The following CAMKMT variants were observed in gnomAD, a reference collection of about 807,000 sequenced individuals.
CAMKMT encodes CaM KMT.
CAMKMT carries 53 observed loss-of-function variants against 48.0 expected under a neutral mutation model. The ratio of observed to expected loss-of-function variants is 1.10; its 90% CI spans 0.89 to 1.39. The LOEUF is 1.39. CAMKMT is among the 40% of genes most tolerant of loss of function. The pLI, the probability that CAMKMT is intolerant of heterozygous loss-of-function variation, is 0.00. For missense variants in CAMKMT, 428 were observed against 402.7 expected (o/e 1.06, Z -0.54); for synonymous variants, 165 against 152.3 (o/e 1.08, Z -0.61).
intron 3 of CAMKMT, among the ~76,000 whole-genome samples, chr2:44,702,265 TA>T (rs1252524254): frequency 6.6e-6 from 1 of 152,174 alleles, no homozygotes; most frequent in Non-Finnish European, 1.5e-5. Context: ...GAGTTATTTT[TA>T]TGTGGAGATA....
chr2:44,446,785 A>G (rs1385507669), intron 3 of CAMKMT, among the ~76,000 whole-genome samples: 3 of 152,236 alleles, frequency 2.0e-5, no homozygotes, highest in African/African-American at 7.2e-5. Flanking sequence ...TCCAGCATTG[A>G]GGCCTTTCAT....
chr2:44,418,777 G>A (rs1007037857), intron 3 of CAMKMT, among the ~76,000 whole-genome samples: 19 of 152,222 alleles, frequency 1.2e-4, no homozygotes, highest in African/African-American at 4.6e-4. Flanking sequence ...TGTCTGCTAA[G>A]AAGTCTACTA....
chr2:44,576,038 G>T (rs929574368), intron 3 of CAMKMT, among the ~76,000 whole-genome samples: 5 of 151,714 alleles, frequency 3.3e-5, no homozygotes, highest in Admixed American at 6.6e-5. Context: ...CAAGAACGCA[G>T]GTGGGAGGCT....
intron 3 of CAMKMT, among the ~76,000 whole-genome samples, chr2:44,457,485 AC>A (rs1305339423): frequency 1.4e-5 from 2 of 142,532 alleles, no homozygotes; most frequent in Admixed American, 7.1e-5. Context: ...TGCAACCTCC[AC>A]CCCCCGGGTT....
intron 3 of CAMKMT, among the ~76,000 whole-genome samples, chr2:44,434,129 AT>A (rs1391343423): frequency 6.6e-6 from 1 of 152,112 alleles, no homozygotes; most frequent in Non-Finnish European, 1.5e-5. Context: ...TAACAGAAGG[AT>A]GGTAGTCTAG....
chr2:44,657,315 TG>T lies in CAMKMT; in HGVS notation c.377-46966del, dbSNP rs1441846167. Reference sequence around the variant, plus strand: ...GTTGCACAAGTTAATTGATTTTCAGTGGTTACATATAACATATCAATGTCTA... The same window carrying T: ...GTTGCACAAGTTAATTGATTTTCAGTGTTACATATAACATATCAATGTCTA... On this transcript the variant is annotated intron_variant, in intron 3 of 10. Coordinates refer to ENST00000378494, the MANE Select transcript of CAMKMT (RefSeq NM_024766.5). The surrounding 1 kb of genome is among the most constrained non-coding windows in gnomAD (Gnocchi z 4.3). Among the ~76,000 whole-genome samples the T allele has an allele frequency of 1.3e-5, 2 of 152,220 alleles. No homozygotes were observed. The highest frequency in any genetic ancestry group is 2.9e-5 in the Non-Finnish European group (2 of 68,030).
chr2:44,753,995 T>C, intron 8 of CAMKMT, 60 bp from the exon 9 acceptor site: 1 of 1,151,856 alleles, frequency 8.7e-7, no homozygotes, highest in Non-Finnish European at 1.3e-6. Context: ...TTATCTCCAT[T>C]AGTATCATTA....
chr2:44,715,026 C>T (rs1302750025), intron 6 of CAMKMT, among the ~76,000 whole-genome samples: 3 of 151,992 alleles, frequency 2.0e-5, no homozygotes, highest in African/African-American at 7.2e-5. Context: ...AAGCCCATCT[C>T]TACTAAAGAT....
At position 44,705,491 on chromosome 2, in the gene CAMKMT, C is replaced by T. The variant is rs1395501835; in HGVS notation, c.438-796C>T. The T allele has an allele frequency of 1.3e-5, 13 of 985,148 alleles. No individual in the cohort carries two copies. The East Asian group carries it at 3.4e-4, about 26-fold the overall frequency. 61.0% of individuals were successfully genotyped at this position (985,148 alleles called of 1,614,324 possible). A position where few individuals can be genotyped will look rare whatever the true frequency, so the allele number is the denominator to read the frequency against. The stretch of plus-strand genomic sequence containing the variant: ...CCAATCAGCGAGCAGTGGGCCAGGG[C>T]GAGAATGTCACACGTTAAGGGCTGA... On this transcript the variant is annotated intron_variant, in intron 4 of 10. Transcript: ENST00000378494.
intron 3 of CAMKMT, among the ~76,000 whole-genome samples, chr2:44,592,738 T>G (rs1670375819): frequency 6.6e-6 from 1 of 152,184 alleles, no homozygotes; most frequent in Non-Finnish European, 1.5e-5. Context: ...GACCTTGGCT[T>G]GTATCCCCCA....
At chr2:44,486,530 C>T (rs1669226499) in intron 3 of CAMKMT, among the ~76,000 whole-genome samples, 1 of 152,188 alleles carries the variant, frequency 6.6e-6, no homozygotes. Flanking sequence ...AACTTAGGCA[C>T]AAACTCATAG....
intron 3 of CAMKMT, among the ~76,000 whole-genome samples, chr2:44,540,159 C>T (rs371235141): frequency 6.7e-6 from 1 of 149,764 alleles, no homozygotes. Context: ...TATGTATATA[C>T]ATATATATAT....
intron 1 of CAMKMT, among the ~76,000 whole-genome samples, chr2:44,367,809 C>T (rs966930598): frequency 6.6e-6 from 1 of 152,172 alleles, no homozygotes; most frequent in African/African-American, 2.4e-5. Flanking sequence ...TATCAAAGTA[C>T]CATTGTGGGG....
At position 44,440,801 on chromosome 2, in the gene CAMKMT, G is replaced by A. The variant is rs570536892; in HGVS notation, c.376+50496G>A. The stretch of plus-strand genomic sequence containing the variant: ...GAATTCTGTGCTATTGGTATTGATC[G>A]TAATTGTAGAACCTTTTATCCCTTA... On this transcript the variant is annotated intron_variant, in intron 3 of 10. Coordinates refer to ENST00000378494, the MANE Select transcript of CAMKMT (RefSeq NM_024766.5). Among the ~76,000 whole-genome samples the A allele has an allele frequency of 5.0e-4, 76 of 152,126 alleles. 1 individual carries two copies. The highest frequency in any genetic ancestry group is 1.7e-3 in the African/African-American group (70 of 41,512).
chr2:44,736,167 A>G (rs190105640), intron 7 of CAMKMT, among the ~76,000 whole-genome samples: 2 of 152,328 alleles, frequency 1.3e-5, no homozygotes, highest in East Asian at 3.9e-4. Context: ...CTTCTGCCTT[A>G]AGGATTTCCT....
At chr2:44,754,571 G>A (rs1004101708) in intron 9 of CAMKMT, among the ~76,000 whole-genome samples, 1 of 151,956 alleles carries the variant, frequency 6.6e-6, no homozygotes. Flanking sequence ...TAAAGAAAAA[G>A]GACTTCAGAT....
intron 3 of CAMKMT, among the ~76,000 whole-genome samples, chr2:44,605,688 A>C (rs934167153): frequency 1.3e-5 from 2 of 152,110 alleles, no homozygotes; most frequent in African/African-American, 4.8e-5. Flanking sequence ...CAAGAAAATG[A>C]CTTGTCAAAG....
intron 3 of CAMKMT, among the ~76,000 whole-genome samples, chr2:44,630,965 C>T (rs1176916045): frequency 6.6e-6 from 1 of 151,890 alleles, no homozygotes; most frequent in Non-Finnish European, 1.5e-5. Flanking sequence ...TATTGCGGCA[C>T]TATTCACAAT....
At chr2:44,449,938 A>T (rs1667204825) in intron 3 of CAMKMT, among the ~76,000 whole-genome samples, 1 of 152,164 alleles carries the variant, frequency 6.6e-6, no homozygotes, top group Non-Finnish European at 1.5e-5. Context: ...TTTATCAAAT[A>T]AGTTAAAGTA....
Sources: gnomAD v4.1 joint callset for allele counts (sites outside exome capture counted in the v4.1 genomes callset) on GRCh38, gnomAD v4.1.1 for gene constraint, Gnocchi (gnomAD v3.1) non-coding constraint, MANE v1.5 for transcripts, NCBI Gene and HGNC (gene_info 2026-07-23, HGNC 2026-07-21) for gene names.